MBD5: variants seen among roughly 807,000 people sequenced by gnomAD.
MBD5 encodes methyl-CpG binding domain protein 5.
A neutral mutation model predicts 117.3 loss-of-function variants in MBD5; 13 were observed. That is an observed-to-expected ratio of 0.11 (90% CI 0.07 to 0.18). The LOEUF (loss-of-function observed/expected upper bound fraction) is 0.18, where lower values mean the gene tolerates loss of function less well. Among genes scored for constraint, MBD5 ranks in the 10% least tolerant of loss-of-function variants. The pLI, the probability that MBD5 is intolerant of heterozygous loss-of-function variation, is 1.00. For missense variants in MBD5, 1,879 were observed against 2,093.8 expected, an observed-to-expected ratio of 0.90 and a Z score of 2.00; for synonymous variants, 727 against 766.4, an observed-to-expected ratio of 0.95 and a Z score of 0.85.
In MBD5 at chr2:148,092,463, A is replaced by C. The variant is rs147210476; in HGVS notation, c.-925+70779A>C. On this transcript the variant is annotated intron_variant, in intron 1 of 13. Transcript: ENST00000642680. ...TAAAGAAAATGTGATGTGTATGTAT[A>C]TACCATGGAATACTACTCAGCCATA... 1.5e-3 allele frequency among the ~76,000 whole-genome samples: 223 copies of C among 152,330 alleles called. 1 individual carries two copies. The highest frequency in any genetic ancestry group is 2.6e-3 in the Non-Finnish European group (179 of 68,014).
At chr2:148,416,521 T>TCA (rs1705423651) in intron 4 of MBD5, among the ~76,000 whole-genome samples, 1 of 152,262 alleles carries the variant, frequency 6.6e-6, no homozygotes, top group South Asian at 2.1e-4. Context: ...GTTGCCAGTA[T>TCA]CTGTGCATGT....
chr2:148,353,572 C>T (rs758402311), intron 4 of MBD5, among the ~76,000 whole-genome samples: 1 of 151,994 alleles, frequency 6.6e-6, no homozygotes, highest in Non-Finnish European at 1.5e-5. Flanking sequence ...CTCTATCATT[C>T]AGCATTTAGT....
chr2:148,176,760 G>T (rs928674603), intron 1 of MBD5, among the ~76,000 whole-genome samples: 1 of 151,614 alleles, frequency 6.6e-6, no homozygotes, highest in African/African-American at 2.4e-5. Context: ...ATTTTTAGTA[G>T]TTATGAGAGA....
chr2:148,216,773 C>T (rs993198701), intron 2 of MBD5, among the ~76,000 whole-genome samples: 7 of 152,126 alleles, frequency 4.6e-5, no homozygotes, highest in African/African-American at 9.7e-5. Context: ...TCCCCAAGCC[C>T]GTGTTTCTCC....
chr2:148,105,375 C>A (rs566760121), intron 1 of MBD5, among the ~76,000 whole-genome samples: 6 of 152,134 alleles, frequency 3.9e-5, no homozygotes, highest in African/African-American at 1.2e-4. Context: ...TGTGCCATCA[C>A]ACTGGGCTAA....
intron 3 of MBD5, among the ~76,000 whole-genome samples, chr2:148,241,465 T>G (rs927464609): frequency 5.3e-5 from 8 of 152,190 alleles, no homozygotes; most frequent in Non-Finnish European, 2.9e-5. Context: ...AAATCCTTAT[T>G]TTTGCTTTCC....
In MBD5 at chr2:148,495,650, C is replaced by T. The variant is rs142592396; in HGVS notation, c.4962+5056C>T. On this transcript the variant is annotated intron_variant, in intron 11 of 13. Coordinates refer to ENST00000642680, the MANE Select transcript of MBD5 (RefSeq NM_001378120.1). ...AGGTCTACATCTCTGTTCTACACTACCTGGTTAAATGAAGACATTATTTTC... is the reference window on the plus strand; with the variant it reads ...AGGTCTACATCTCTGTTCTACACTATCTGGTTAAATGAAGACATTATTTTC... 5.8e-4 allele frequency among the ~76,000 whole-genome samples: 88 copies of T among 152,304 alleles called. 1 individual carries two copies. Among genetic ancestry groups the T allele is most frequent in the African/African-American group, 1.7e-3 (69 of 41,554 alleles).
chr2:148,445,726 T>C (rs182653623), intron 4 of MBD5, among the ~76,000 whole-genome samples: 1 of 151,526 alleles, frequency 6.6e-6, no homozygotes, highest in Admixed American at 6.6e-5. Context: ...ACTTCCACAA[T>C]GGTTGAACTA....
chr2:148,341,162 T>A (rs980096949), intron 3 of MBD5, among the ~76,000 whole-genome samples: 18 of 151,996 alleles, frequency 1.2e-4, no homozygotes, highest in Admixed American at 8.5e-4. Context: ...CCTGTCATCC[T>A]CCTCCCACCC....
chr2:148,223,905 GTT>G (rs1699753025), intron 2 of MBD5, among the ~76,000 whole-genome samples: 1 of 151,954 alleles, frequency 6.6e-6, no homozygotes, highest in Non-Finnish European at 1.5e-5. Context: ...TATTCCATAG[GTT>G]TTGCTTGTTG....
intron 4 of MBD5, among the ~76,000 whole-genome samples, chr2:148,390,375 G>A (rs548097825): frequency 2.6e-5 from 4 of 151,558 alleles, no homozygotes; most frequent in South Asian, 4.2e-4. Flanking sequence ...TCTATATGCA[G>A]TCACTTTAGG....
intron 1 of MBD5, among the ~76,000 whole-genome samples, chr2:148,154,905 G>T (rs926517962): frequency 6.6e-6 from 1 of 152,142 alleles, no homozygotes; most frequent in Non-Finnish European, 1.5e-5. Context: ...CGTCGCTCAC[G>T]CTGGGAGCTG....
At chr2:148,124,098 G>A (rs529380480) in intron 1 of MBD5, among the ~76,000 whole-genome samples, 1 of 152,222 alleles carries the variant, frequency 6.6e-6, no homozygotes, top group Non-Finnish European at 1.5e-5. Flanking sequence ...GGCCAACATG[G>A]CAAAACCCTG....
intron 4 of MBD5, among the ~76,000 whole-genome samples, chr2:148,432,147 T>C (rs1339925433): frequency 6.6e-6 from 1 of 152,200 alleles, no homozygotes; most frequent in Non-Finnish European, 1.5e-5. Context: ...TTTTTTCATG[T>C]GCTTGTTGGC....
At position 148,346,921 on chromosome 2, in the gene MBD5, G is replaced by T. The variant is rs1223674536; in HGVS notation, c.-557+4585G>T. On this transcript the variant is annotated intron_variant, in intron 4 of 13. Coordinates refer to ENST00000642680, the MANE Select transcript of MBD5 (RefSeq NM_001378120.1). ...ATTATAGAAAGTCAGAAACAGAGGA[G>T]TTGACAGGATAATAAAATGAACCCC... 5 of 151,934 alleles carry T rather than the reference G, an allele frequency of 3.3e-5. No individual in the cohort carries two copies. In the South Asian group the frequency reaches 1.0e-3, roughly 32 times the overall value. The allele number at this position is 151,934 out of a possible 1,614,324, so 9.4% of individuals were successfully genotyped here. A position where few individuals can be genotyped will look rare whatever the true frequency, so the allele number is the denominator to read the frequency against.
At chr2:148,231,225 G>A (rs948822079) in intron 2 of MBD5, among the ~76,000 whole-genome samples, 1 of 152,152 alleles carries the variant, frequency 6.6e-6, no homozygotes, top group African/African-American at 2.4e-5. Flanking sequence ...ACTCAAGTTT[G>A]GACCACTGGG....
chr2:148,103,002 A>G (rs1177803393), intron 1 of MBD5, among the ~76,000 whole-genome samples: 1 of 152,174 alleles, frequency 6.6e-6, no homozygotes, highest in African/African-American at 2.4e-5. Flanking sequence ...CTAACTCACC[A>G]AGAAAAGATA....
chr2:148,048,621 A>C (rs1210684788), intron 1 of MBD5, among the ~76,000 whole-genome samples: 1 of 152,154 alleles, frequency 6.6e-6, no homozygotes, highest in Admixed American at 6.5e-5. Flanking sequence ...AGAGTAGAGA[A>C]GAGTAAGGCT....
intron 3 of MBD5, among the ~76,000 whole-genome samples, chr2:148,255,709 G>A (rs752134340): frequency 6.6e-6 from 1 of 152,170 alleles, no homozygotes; most frequent in Non-Finnish European, 1.5e-5. Context: ...CCATTCATTC[G>A]AGGTTTAGAG....
Sources: allele counts gnomAD v4.1 joint callset (sites outside exome capture counted in the v4.1 genomes callset), GRCh38; gene constraint gnomAD v4.1.1; transcripts MANE v1.5; gene names NCBI Gene and HGNC (gene_info 2026-07-23, HGNC 2026-07-21).